CHD9: variants seen among roughly 807,000 people sequenced by gnomAD.
CHD9 encodes ATP-dependent chromatin remodeler CHD9.
A neutral mutation model predicts 316.1 loss-of-function variants in CHD9; 77 were observed. The observed-to-expected ratio is 0.24, with a 90% confidence interval of 0.20 to 0.29. The LOEUF (loss-of-function observed/expected upper bound fraction) is 0.29. CHD9 is among the 10% of genes least tolerant of loss of function. The probability of loss-of-function intolerance (pLI) is 1.00; values close to 1 mark genes in which losing one functional copy is unlikely to be tolerated. For missense variants in CHD9, 2,763 were observed against 3,438.1 expected, an observed-to-expected ratio of 0.80 and a Z score of 4.91; for synonymous variants, 1,129 against 1,158.3, an observed-to-expected ratio of 0.97 and a Z score of 0.51.
rs531529973 is a variant in CHD9 at position 53,324,495 on chromosome 16, G to A, written c.8294G>A (p.Gly2765Asp). 6.2e-7 allele frequency: 1 copy of A among 1,613,906 alleles called. No individual in the cohort carries two copies. Among genetic ancestry groups the A allele is most frequent in the African/African-American group, 1.3e-5 (1 of 75,052 alleles). The change falls in exon 39 of 39, where the codon GGT becomes GAT. Residue 2765 changes from glycine (G) to aspartate (D), a missense_variant. This residue lies in a region of CHD9 where 298 missense variants were observed against 380.2 expected (regional missense o/e 0.78). Coordinates refer to ENST00000447540, the MANE Select transcript of CHD9 (RefSeq NM_001308319.2). ...ACAGAGAGCCAAAGTTCAGAGAATG[G>A]TGGAGAAAACTCTGTGTCAAGTTCT... is the stretch of plus-strand genomic sequence containing the variant. Reference protein sequence around the residue: ...ERTESQSSENGGENSVSSSPS... With the variant: ...ERTESQSSENDGENSVSSSPS...
chr16:53,107,161 G>A (rs969429628), intron 1 of CHD9, among the ~76,000 whole-genome samples: 1 of 151,960 alleles, frequency 6.6e-6, no homozygotes, highest in East Asian at 1.9e-4. Flanking sequence ...TAGGCCAGGC[G>A]TGGTGGCTCA....
At chr16:53,315,125 C>A in intron 36 of CHD9, 81 bp downstream of exon 36, 1 of 988,040 alleles carries the variant, frequency 1.0e-6, no homozygotes, top group Non-Finnish European at 1.5e-6. Context: ...AAATTCTCAT[C>A]CACTTATGCT....
intron 1 of CHD9, among the ~76,000 whole-genome samples, chr16:53,102,927 A>G (rs1205870242): frequency 6.6e-6 from 1 of 150,808 alleles, no homozygotes; most frequent in African/African-American, 2.4e-5. Context: ...CTCACTGCAA[A>G]CTCCGCCTCC....
At chr16:53,091,854 A>G (rs779281727) in intron 1 of CHD9, among the ~76,000 whole-genome samples, 4 of 150,330 alleles carry the variant, frequency 2.7e-5, no homozygotes, top group Non-Finnish European at 3.0e-5. Context: ...CTTCCTTTTG[A>G]CCTTCCTCTT....
At chr16:53,139,450 A>G (rs2039947800) in intron 1 of CHD9, among the ~76,000 whole-genome samples, 1 of 152,192 alleles carries the variant, frequency 6.6e-6, no homozygotes, top group Non-Finnish European at 1.5e-5. Context: ...AGGACTGGCA[A>G]TAAAATTACA....
intron 11 of CHD9, among the ~76,000 whole-genome samples, chr16:53,236,614 T>TCC (rs142851227): frequency 9.1e-5 from 13 of 143,168 alleles, no homozygotes; most frequent in Middle Eastern, 3.5e-3. Flanking sequence ...GTCTCCCCAT[T>TCC]CCCCCCCACC....
At chr16:53,074,999 T>A (rs1413606348) in intron 1 of CHD9, among the ~76,000 whole-genome samples, 4 of 152,042 alleles carry the variant, frequency 2.6e-5, no homozygotes, top group Non-Finnish European at 4.4e-5. Context: ...GTAAAAGCAG[T>A]GGGGAGGGAG....
At chr16:53,251,603 A>T (rs901326693) in intron 17 of CHD9, among the ~76,000 whole-genome samples, 4 of 152,222 alleles carry the variant, frequency 2.6e-5, no homozygotes. Flanking sequence ...TATATTTTAA[A>T]GCCACATTTT....
chr16:53,122,635 C>T (rs2038792546), intron 1 of CHD9, among the ~76,000 whole-genome samples: 3 of 151,598 alleles, frequency 2.0e-5, no homozygotes. Context: ...AACTCCACCT[C>T]CCAGGTTCAA....
At chr16:53,107,489 T>TGAAAGG (rs1567333224) in intron 1 of CHD9, among the ~76,000 whole-genome samples, 3 of 123,088 alleles carry the variant, frequency 2.4e-5, no homozygotes, top group African/African-American at 1.1e-4. Flanking sequence ...TAAAATAAAA[T>TGAAAGG]AAATAAAATA....
Position 53,262,917 on chromosome 16 carries a change from A to G in CHD9, c.4210-70A>G. On this transcript the variant is annotated intron_variant, in intron 19 of 38. Coordinates refer to ENST00000447540, the MANE Select transcript of CHD9 (RefSeq NM_001308319.2). ...AGAATTCAAATTCTATCCATAGTAA[A>G]TGTGAGGAGATAATGTTTTAAGTGT... is the stretch of plus-strand genomic sequence containing the variant. 2.5e-6 allele frequency: 3 copies of G among 1,181,954 alleles called. No homozygotes were observed. The South Asian group carries it at 3.7e-5, about 15-fold the overall frequency. 73.2% of individuals were successfully genotyped at this position (1,181,954 alleles called of 1,614,324 possible).
At chr16:53,269,539 A>C (rs1478555685) in intron 22 of CHD9, among the ~76,000 whole-genome samples, 6 of 152,218 alleles carry the variant, frequency 3.9e-5, no homozygotes, top group South Asian at 2.1e-4. Context: ...CACCCATTTT[A>C]GATAGGGTGG....
chr16:53,155,958 G>A lies in CHD9; in HGVS notation c.-132G>A. The A allele has an allele frequency of 1.3e-6, 1 of 763,278 alleles. No individual in the cohort carries two copies. Among genetic ancestry groups the A allele is most frequent in the Non-Finnish European group, 2.1e-6 (1 of 481,702 alleles). 47.3% of individuals were successfully genotyped at this position (763,278 alleles called of 1,614,324 possible). ...ACACTTCATGACATGTCATTATTTA[G>A]AGCAATAATGAATATTGACCTGTTT... On this transcript the variant is annotated 5_prime_UTR_variant, in exon 2 of 39. Coordinates refer to ENST00000447540, the MANE Select transcript of CHD9 (RefSeq NM_001308319.2).
chr16:53,299,058 G>T, intron 30 of CHD9: 1 of 184,400 alleles, frequency 5.4e-6, no homozygotes. Flanking sequence ...GGAACCAGGT[G>T]GTGCTGCTAC....
intron 3 of CHD9, among the ~76,000 whole-genome samples, chr16:53,220,019 T>A (rs1239932145): frequency 6.6e-6 from 1 of 152,178 alleles, no homozygotes; most frequent in Non-Finnish European, 1.5e-5. Flanking sequence ...CAAGGTCATA[T>A]GGGGTCTAAC....
intron 10 of CHD9, among the ~76,000 whole-genome samples, chr16:53,233,525 T>A (rs1209405806): frequency 6.6e-6 from 1 of 152,182 alleles, no homozygotes; most frequent in Non-Finnish European, 1.5e-5. Flanking sequence ...TGGGTTTTTA[T>A]GGAGTCTTCA....
intron 1 of CHD9, among the ~76,000 whole-genome samples, chr16:53,136,509 G>C (rs2039719128): frequency 6.7e-6 from 1 of 150,062 alleles, no homozygotes; most frequent in South Asian, 2.1e-4. Flanking sequence ...CAATCAAATA[G>C]TCACTAAAAT....
At chr16:53,223,378 CGTAGGG>C (rs1322372482) in intron 4 of CHD9, 3 of 151,928 alleles carry the variant, frequency 2.0e-5, no homozygotes, top group African/African-American at 7.3e-5. Flanking sequence ...GACTGTAGGC[CGTAGGG>C]GTGGTGGCAG....
In CHD9 at chr16:53,303,871, A is replaced by C. The variant is rs746795663; in HGVS notation, c.5865A>C (p.Pro1955=). The part of the protein sequence containing the change: ...FERLKLCHPN[P]DLPVWWECGP... Reference sequence around the variant, plus strand: ...GCTTGAAGCTTTGCCATCCAAATCCAGATTTACCAGTCTGGTGGGAATGTG... The same window carrying C: ...GCTTGAAGCTTTGCCATCCAAATCCCGATTTACCAGTCTGGTGGGAATGTG... The change falls in exon 31 of 39, where the codon CCA becomes CCC. Residue 1955 remains proline, a synonymous_variant. Transcript: ENST00000447540. 6.2e-7 allele frequency: 1 copy of C among 1,614,016 alleles called. No individual in the cohort carries two copies. Among genetic ancestry groups the C allele is most frequent in the African/African-American group, 1.3e-5 (1 of 75,040 alleles).
Sources: allele counts gnomAD v4.1 joint callset (sites outside exome capture counted in the v4.1 genomes callset), GRCh38; gene constraint gnomAD v4.1.1; regional missense constraint gnomAD v4.1.1; transcripts MANE v1.5; gene names NCBI Gene and HGNC (gene_info 2026-07-23, HGNC 2026-07-21).